PPFIA2: variants seen among roughly 807,000 people sequenced by gnomAD.
PPFIA2 encodes liprin-alpha-2.
PPFIA2 carries 46 observed loss-of-function variants against 175.5 expected under a neutral mutation model. The ratio of observed to expected loss-of-function variants is 0.26; its 90% CI spans 0.21 to 0.34. The LOEUF is 0.34. Among genes scored for constraint, PPFIA2 ranks in the 10% least tolerant of loss-of-function variants. PPFIA2 has a pLI of 1.00. For synonymous variants in PPFIA2, 568 were observed against 511.4 expected (o/e 1.11, Z -1.49); for missense variants, 1,179 against 1,506.1 (o/e 0.78, Z 3.60).
intron 3 of PPFIA2, among the ~76,000 whole-genome samples, chr12:81,689,866 A>C (rs768170831): frequency 2.6e-4 from 39 of 152,230 alleles, no homozygotes; most frequent in Non-Finnish European, 4.6e-4. Context: ...CAAAGTGCAT[A>C]CAATGCTAAG....
intron 3 of PPFIA2, among the ~76,000 whole-genome samples, chr12:81,678,228 T>G (rs1317146425): frequency 6.6e-6 from 1 of 151,782 alleles, no homozygotes; most frequent in Non-Finnish European, 1.5e-5. Flanking sequence ...TAAGTCCCAA[T>G]TGAAGTAATG....
At chr12:81,699,787 C>A (rs1371036083) in intron 3 of PPFIA2, among the ~76,000 whole-genome samples, 1 of 151,998 alleles carries the variant, frequency 6.6e-6, no homozygotes, top group African/African-American at 2.4e-5. Flanking sequence ...CAAGTATCTT[C>A]CTATCTCTCT....
intron 2 of PPFIA2, among the ~76,000 whole-genome samples, chr12:81,754,789 TG>T (rs762863966): frequency 1.3e-5 from 2 of 152,238 alleles, no homozygotes; most frequent in Non-Finnish European, 2.9e-5. Flanking sequence ...GCTTTTACTT[TG>T]TTTTTTAGTC....
At chr12:81,631,419 AT>A (rs1237167134) in intron 4 of PPFIA2, among the ~76,000 whole-genome samples, 1 of 152,068 alleles carries the variant, frequency 6.6e-6, no homozygotes, top group Non-Finnish European at 1.5e-5. Context: ...GTGAAAATTA[AT>A]TTTTTTGAGC....
intron 14 of PPFIA2, 22 bp downstream of exon 14, chr12:81,367,086 A>G (rs77763968): frequency 6.8e-7 from 1 of 1,460,822 alleles, no homozygotes; most frequent in East Asian, 2.6e-5. Flanking sequence ...AAATGGGCCC[A>G]AAACATAAGT....
chr12:81,407,340 G>C (rs1021477864), intron 7 of PPFIA2, among the ~76,000 whole-genome samples: 1 of 151,792 alleles, frequency 6.6e-6, no homozygotes. Context: ...AAAATTAGCC[G>C]GGCGTGATGG....
At chr12:81,721,413 G>C (rs2079316032) in intron 3 of PPFIA2, among the ~76,000 whole-genome samples, 1 of 150,684 alleles carries the variant, frequency 6.6e-6, no homozygotes, top group Admixed American at 6.7e-5. Flanking sequence ...TGATTGTTCA[G>C]AAATTCTATT....
At chr12:81,353,411 GCAA>G (rs760760993) in intron 16 of PPFIA2, 72 bp from the exon 17 acceptor site, 17 of 1,083,330 alleles carry the variant, frequency 1.6e-5, no homozygotes, top group Non-Finnish European at 2.2e-5. Context: ...CTCAAAGACA[GCAA>G]CAACAACAGG....
chr12:81,534,905 T>A (rs10506841), intron 4 of PPFIA2, among the ~76,000 whole-genome samples: 14,390 of 151,554 alleles, frequency 0.095, 868 homozygotes, highest in Middle Eastern at 0.18. Flanking sequence ...TTTGAAAGAT[T>A]CAGGTTGATT....
intron 6 of PPFIA2, among the ~76,000 whole-genome samples, chr12:81,442,848 C>CAT (rs35192542): frequency 0.012 from 163 of 14,046 alleles, 14 homozygotes; most frequent in Non-Finnish European, 0.015. Context: ...TTTCTGACTT[C>CAT]ATATATATAT....
rs573759874 is a variant in PPFIA2, at chr12:81,659,798, C to T, written c.303+16993G>A. Among the ~76,000 whole-genome samples, 3 of 152,292 alleles carry T rather than the reference C, an allele frequency of 2.0e-5. No homozygotes were observed. In the East Asian group the frequency reaches 5.8e-4, roughly 29 times the overall value. On this transcript the variant is annotated intron_variant, in intron 4 of 32. Coordinates refer to ENST00000549396, the MANE Select transcript of PPFIA2 (RefSeq NM_003625.5). Reference sequence around the variant, plus strand: ...ACCCCTGAGTAGCCTAACTGGGAGGCACCCCCTAGTACGGGCAGACTGACA... The same window carrying T: ...ACCCCTGAGTAGCCTAACTGGGAGGTACCCCCTAGTACGGGCAGACTGACA...
At chr12:81,665,732 A>T (rs1274635465) in intron 4 of PPFIA2, among the ~76,000 whole-genome samples, 2 of 152,046 alleles carry the variant, frequency 1.3e-5, no homozygotes, top group Non-Finnish European at 2.9e-5. Flanking sequence ...GCAGACCAAA[A>T]GCAATGGCAA....
At chr12:81,574,693 T>A (rs2153419116) in intron 4 of PPFIA2, among the ~76,000 whole-genome samples, 1 of 151,802 alleles carries the variant, frequency 6.6e-6, no homozygotes, top group Middle Eastern at 3.4e-3. Context: ...TTTTTATAAA[T>A]GTTTTATTAT....
chr12:81,562,644 G>C (rs1389937460), intron 4 of PPFIA2, among the ~76,000 whole-genome samples: 2 of 151,170 alleles, frequency 1.3e-5, no homozygotes, highest in African/African-American at 2.4e-5. Context: ...TCAGGAGATC[G>C]AGACCATCCC....
At chr12:81,539,699 G>A (rs914302513) in intron 4 of PPFIA2, among the ~76,000 whole-genome samples, 2 of 151,858 alleles carry the variant, frequency 1.3e-5, no homozygotes, top group Non-Finnish European at 2.9e-5. Flanking sequence ...CTCCTTAAAT[G>A]TTAATACAGT....
intron 28 of PPFIA2, among the ~76,000 whole-genome samples, chr12:81,269,574 A>AATACAGTG (rs1483320839): frequency 5.3e-5 from 8 of 152,228 alleles, no homozygotes. Context: ...ACTTTGAAGC[A>AATACAGTG]ATACAGTGAT....
intron 18 of PPFIA2, 146 bp downstream of exon 18, chr12:81,347,387 C>T: frequency 1.3e-6 from 1 of 753,704 alleles, no homozygotes; most frequent in Non-Finnish European, 2.3e-6. Context: ...ATGTACTGAT[C>T]ACATAGGGAT....
intron 4 of PPFIA2, among the ~76,000 whole-genome samples, chr12:81,649,054 T>C (rs1051622396): frequency 1.8e-4 from 28 of 151,744 alleles, no homozygotes; most frequent in African/African-American, 6.8e-4. Context: ...TTTGTCACCT[T>C]TATTTAGAGA....
chr12:81,558,223 C>T (rs1056538202), intron 4 of PPFIA2, among the ~76,000 whole-genome samples: 3 of 152,156 alleles, frequency 2.0e-5, no homozygotes, highest in South Asian at 4.1e-4. Context: ...TTGCATAATG[C>T]CCAATTCTTC....
Sources: gnomAD v4.1 joint callset for allele counts (sites outside exome capture counted in the v4.1 genomes callset) on GRCh38, gnomAD v4.1.1 for gene constraint, MANE v1.5 for transcripts, NCBI Gene and HGNC (gene_info 2026-07-23, HGNC 2026-07-21) for gene names.